GSAP: variants seen among roughly 807,000 people sequenced by gnomAD.
The protein encoded by GSAP is gamma-secretase-activating protein.
Under a neutral mutation model 131.7 loss-of-function variants are expected in GSAP, and 118 were observed. The observed-to-expected ratio is 0.90, with a 90% CI of 0.77 to 1.04. The LOEUF (loss-of-function observed/expected upper bound fraction) is 1.04, where lower values mean the gene tolerates loss of function less well. GSAP is among the 50% of genes least tolerant of loss of function. The pLI, the probability that GSAP is intolerant of heterozygous loss-of-function variation, is 0.00. For missense variants in GSAP, 1,019 were observed against 1,013.2 expected, an observed-to-expected ratio of 1.01 and a Z score of -0.08; for synonymous variants, 381 against 363.4, an observed-to-expected ratio of 1.05 and a Z score of -0.55.
chr7:77,388,109 A>C (rs1363501411), intron 5 of GSAP, among the ~76,000 whole-genome samples: 3 of 152,272 alleles, frequency 2.0e-5, no homozygotes, highest in Non-Finnish European at 2.9e-5. Flanking sequence ...TTTGACTTTA[A>C]AGTTTGACTT....
At chr7:77,376,067 T>C (rs998014816) in intron 10 of GSAP, among the ~76,000 whole-genome samples, 1 of 152,182 alleles carries the variant, frequency 6.6e-6, no homozygotes, top group Non-Finnish European at 1.5e-5. Context: ...GGTTAAACTA[T>C]ACCCTCTCAT....
intron 5 of GSAP, among the ~76,000 whole-genome samples, chr7:77,388,117 C>T (rs1266860066): frequency 1.3e-5 from 2 of 152,202 alleles, no homozygotes; most frequent in African/African-American, 4.8e-5. Flanking sequence ...TAAAGTTTGA[C>T]TTTGACATTT....
intron 14 of GSAP, 140 bp from the exon 15 acceptor site, chr7:77,355,787 G>GTTTTTTTTTTTTTTTT (rs11353263): frequency 1.0e-5 from 3 of 294,608 alleles, no homozygotes; most frequent in South Asian, 3.3e-5. Flanking sequence ...ATGACAGCCC[G>GTTTTTTTTTTTTTTTT]TTTTTTTTTT....
rs539252675 is a variant in GSAP, at chr7:77,314,275, G to A, written c.2209+95C>T. ...CAGGGCACTCTTCTGAGTGCAGCCAGGCTCTTGGTGACTGCACAGGTTGCA... is the reference window on the plus strand; with the variant it reads ...CAGGGCACTCTTCTGAGTGCAGCCAAGCTCTTGGTGACTGCACAGGTTGCA... On this transcript the variant is annotated intron_variant, in intron 27 of 30. Transcript: ENST00000257626. 30 of 1,307,978 alleles carry A rather than the reference G, an allele frequency of 2.3e-5. No individual in the cohort carries two copies. The South Asian group carries it at 3.5e-4, about 15-fold the overall frequency. The allele number at this position is 1,307,978 out of a possible 1,614,324, so 81.0% of individuals were successfully genotyped here.
At chr7:77,377,563 T>C (rs1273785885) in intron 8 of GSAP, among the ~76,000 whole-genome samples, 173 bp from the exon 9 acceptor site, 1 of 152,172 alleles carries the variant, frequency 6.6e-6, no homozygotes, top group African/African-American at 2.4e-5. Context: ...CCAGAAATGT[T>C]TTAAGACATA....
At chr7:77,331,680 GCT>G (rs1286512043) in intron 19 of GSAP, 1 of 152,068 alleles carries the variant, frequency 6.6e-6, no homozygotes, top group Non-Finnish European at 1.5e-5. Context: ...ATTAAAACTT[GCT>G]CTTTCAGAAG....
intron 1 of GSAP, among the ~76,000 whole-genome samples, chr7:77,414,430 T>C (rs549439527): frequency 6.6e-6 from 1 of 152,340 alleles, no homozygotes; most frequent in South Asian, 2.1e-4. Flanking sequence ...TCAGAGGTGA[T>C]AATTCTCTTA....
At position 77,355,202 on chromosome 7, in the gene GSAP, T is replaced by C. The variant is rs754949432; in HGVS notation, c.1338+11A>G. The C allele has an allele frequency of 6.4e-7, 1 of 1,562,888 alleles. No homozygotes were observed. The highest frequency in any genetic ancestry group is 1.7e-5 in the Admixed American group (1 of 59,544). ...TATCTGCCCATTTTAAAACATGAGC[T>C]ATCTTCTCACCTGGGCTTCCAGGAA... On this transcript the variant is annotated intron_variant, in intron 16 of 30. Transcript: ENST00000257626.
intron 3 of GSAP, among the ~76,000 whole-genome samples, chr7:77,400,782 A>G (rs1688731284): frequency 6.6e-6 from 1 of 152,238 alleles, no homozygotes; most frequent in Admixed American, 6.5e-5. Context: ...TAACAAAGAT[A>G]TTGGAATTTT....
chr7:77,329,010 CT>C lies in GSAP; in HGVS notation c.1733+322del, dbSNP rs199515396. Among the ~76,000 whole-genome samples, 37 of 142,668 alleles carry C rather than the reference CT, an allele frequency of 2.6e-4. 1 individual carries two copies. Among genetic ancestry groups the C allele is most frequent in the Non-Finnish European group, 2.3e-4 (15 of 65,176 alleles). The allele number at this position is 142,668 out of a possible 152,430, so 93.6% of individuals were successfully genotyped here. A position where few individuals can be genotyped will look rare whatever the true frequency, so the allele number is the denominator to read the frequency against. On this transcript the variant is annotated intron_variant, in intron 21 of 30. Transcript: ENST00000257626. ...AAGCAAGCTCACTAGCCCACTGACACTTTAAAAAAAAAAAAAATCAACCTAC... is the reference window on the plus strand; with the variant it reads ...AAGCAAGCTCACTAGCCCACTGACACTTAAAAAAAAAAAAAATCAACCTAC...
At chr7:77,381,169 C>T (rs1201058977) in intron 8 of GSAP, 136 bp downstream of exon 8, 5 of 455,604 alleles carry the variant, frequency 1.1e-5, no homozygotes. Context: ...CACATTAAAA[C>T]AGCAAGTCTA....
At chr7:77,382,726 T>A (rs143395648) in intron 6 of GSAP, 83 bp from the exon 7 acceptor site, 18 of 717,616 alleles carry the variant, frequency 2.5e-5, no homozygotes, top group Non-Finnish European at 4.3e-5. Flanking sequence ...ATGACTGTAC[T>A]ATTACATACC....
chr7:77,374,972 A>C, intron 11 of GSAP, 86 bp downstream of exon 11: 1 of 633,092 alleles, frequency 1.6e-6, no homozygotes, highest in Non-Finnish European at 2.8e-6. Context: ...CTCTCTTTTT[A>C]TCTGCATAAT....
intron 3 of GSAP, among the ~76,000 whole-genome samples, chr7:77,403,863 A>C (rs1291192838): frequency 6.6e-6 from 1 of 152,220 alleles, no homozygotes; most frequent in African/African-American, 2.4e-5. Context: ...GTTAAGGGAG[A>C]AGAGAAGGAA....
At chr7:77,370,270 C>T (rs1232448357) in intron 12 of GSAP, among the ~76,000 whole-genome samples, 1 of 152,026 alleles carries the variant, frequency 6.6e-6, no homozygotes, top group Non-Finnish European at 1.5e-5. Flanking sequence ...CCAGCGTGGC[C>T]AACATGGCGA....
chr7:77,340,664 G>A (rs575877266), intron 19 of GSAP, among the ~76,000 whole-genome samples: 1 of 152,272 alleles, frequency 6.6e-6, no homozygotes, highest in African/African-American at 2.4e-5. Context: ...TCACAGACTC[G>A]GGAAGATAGT....
rs564025935 is a variant in GSAP, at chr7:77,320,708, A to G, written c.2089+17T>C. The G allele has an allele frequency of 5.2e-4, 743 of 1,425,656 alleles. 11 individuals are homozygous for G. The South Asian group carries it at 8.2e-3, about 16-fold the overall frequency. 88.3% of individuals were successfully genotyped at this position (1,425,656 alleles called of 1,614,324 possible). A position where few individuals can be genotyped will look rare whatever the true frequency, so the allele number is the denominator to read the frequency against. On this transcript the variant is annotated intron_variant, in intron 26 of 30. Transcript: ENST00000257626. ...AATAAATTTATTATACCAAAGGACA[A>G]AAGAGCCAACACTTACCAGGAGGCA... is the stretch of plus-strand genomic sequence containing the variant.
chr7:77,334,441 A>G (rs1406532395), intron 19 of GSAP, among the ~76,000 whole-genome samples: 1 of 151,978 alleles, frequency 6.6e-6, no homozygotes, highest in East Asian at 1.9e-4. Flanking sequence ...GGGGAAGGAG[A>G]GCATCAGAAT....
At chr7:77,352,869 A>C in intron 18 of GSAP, 75 bp downstream of exon 18, 1 of 835,756 alleles carries the variant, frequency 1.2e-6, no homozygotes. Context: ...GATGGCTATA[A>C]GAGAGGTGTC....
Sources: gnomAD v4.1 joint callset for allele counts (sites outside exome capture counted in the v4.1 genomes callset) on GRCh38, gnomAD v4.1.1 for gene constraint, MANE v1.5 for transcripts, NCBI Gene and HGNC (gene_info 2026-07-23, HGNC 2026-07-21) for gene names.